Variants in ITGA9 observed in about 807,000 individuals in gnomAD.
The protein encoded by ITGA9 is integrin alpha-9.
Under a neutral mutation model 127.8 loss-of-function variants are expected in ITGA9, and 56 were observed. The ratio of observed to expected loss-of-function variants is 0.44; its 90% CI spans 0.35 to 0.55. The LOEUF (loss-of-function observed/expected upper bound fraction) is 0.55, where lower values mean the gene tolerates loss of function less well. Among genes scored for constraint, ITGA9 ranks in the 20% least tolerant of loss-of-function variants. The pLI is 0.00. For missense variants in ITGA9, 1,196 were observed against 1,347.1 expected, an observed-to-expected ratio of 0.89 and a Z score of 1.76; for synonymous variants, 508 against 514.5, an observed-to-expected ratio of 0.99 and a Z score of 0.17.
At chr3:37,527,910 T>A (rs1054157521) in intron 13 of ITGA9, among the ~76,000 whole-genome samples, 1 of 152,062 alleles carries the variant, frequency 6.6e-6, no homozygotes, top group African/African-American at 2.4e-5. Context: ...CTCAGCCTCC[T>A]GAGCAGCTGG....
chr3:37,688,059 C>T (rs79699083), intron 18 of ITGA9, among the ~76,000 whole-genome samples: 4,856 of 152,300 alleles, frequency 0.032, 101 homozygotes, highest in Non-Finnish European at 0.049. Context: ...TCCTGTCATT[C>T]ATCATGGAGA....
Position 37,550,918 on chromosome 3 carries a change from G to A in ITGA9, c.1689+8333G>A, listed in dbSNP as rs761783935. On this transcript the variant is annotated intron_variant, in intron 15 of 27. Coordinates refer to ENST00000264741, the MANE Select transcript of ITGA9 (RefSeq NM_002207.3). ...ATTCACAAGGTACAGGTGCTTGTTT[G>A]TTCCATGGGTATATCGCATACTGGT... is the stretch of plus-strand genomic sequence containing the variant. Among the ~76,000 whole-genome samples the A allele has an allele frequency of 2.0e-5, 3 of 152,256 alleles. No homozygotes were observed. In the South Asian group the frequency reaches 6.2e-4, roughly 32 times the overall value.
At chr3:37,681,494 G>C (rs1372777968) in intron 17 of ITGA9, among the ~76,000 whole-genome samples, 1 of 152,198 alleles carries the variant, frequency 6.6e-6, no homozygotes, top group Non-Finnish European at 1.5e-5. Context: ...TGATCAAGAA[G>C]AGGGGAAAGA....
In ITGA9 at chr3:37,687,257, G is replaced by A. The variant is rs76464257; in HGVS notation, c.2067+3242G>A. ...ATGTTACAATGAAACCAGGAAATCA[G>A]TGGCAGAATTAAAATATGTTATAGT... On this transcript the variant is annotated intron_variant, in intron 18 of 27. Coordinates refer to ENST00000264741, the MANE Select transcript of ITGA9 (RefSeq NM_002207.3). Among the ~76,000 whole-genome samples, 334 of 152,310 alleles carry A rather than the reference G, an allele frequency of 2.2e-3. 2 individuals are homozygous for A. The highest frequency in any genetic ancestry group is 7.3e-3 in the African/African-American group (303 of 41,574).
chr3:37,508,537 T>A (rs763133513), intron 7 of ITGA9, 22 bp from the exon 8 acceptor site: 2 of 741,390 alleles, frequency 2.7e-6, no homozygotes, highest in Admixed American at 6.3e-5. Context: ...CCTAACTAGA[T>A]TTTTTTTTTT....
chr3:37,743,059 T>C (rs1196384317), intron 21 of ITGA9, among the ~76,000 whole-genome samples: 2 of 152,034 alleles, frequency 1.3e-5, no homozygotes, highest in Non-Finnish European at 2.9e-5. Flanking sequence ...TGTTGGGAGG[T>C]GTTAACAGCC....
At chr3:37,606,970 CTTTT>C (rs11306321) in intron 15 of ITGA9, among the ~76,000 whole-genome samples, 8 of 103,774 alleles carry the variant, frequency 7.7e-5, no homozygotes, top group South Asian at 6.4e-4. Context: ...CTCATGGCTC[CTTTT>C]TTTTTTTTTT....
intron 4 of ITGA9, 109 bp from the exon 5 acceptor site, chr3:37,494,392 C>T (rs1698704824): frequency 1.3e-6 from 1 of 785,760 alleles, no homozygotes; most frequent in African/African-American, 1.7e-5. Context: ...CTGGGCCCAG[C>T]CTGCCGCGGC....
At chr3:37,610,602 A>G (rs1700007240) in intron 15 of ITGA9, among the ~76,000 whole-genome samples, 1 of 152,234 alleles carries the variant, frequency 6.6e-6, no homozygotes, top group Non-Finnish European at 1.5e-5. Context: ...GGAGAAAAAT[A>G]ATACCTATGT....
intron 16 of ITGA9, among the ~76,000 whole-genome samples, chr3:37,651,683 G>A (rs961802291): frequency 6.6e-6 from 1 of 152,176 alleles, no homozygotes; most frequent in Non-Finnish European, 1.5e-5. Context: ...GAGAGCTCAC[G>A]ATGGGCCTGA....
intron 17 of ITGA9, among the ~76,000 whole-genome samples, chr3:37,655,017 T>C (rs139227759): frequency 0.048 from 7,245 of 152,312 alleles, 193 homozygotes; most frequent in African/African-American, 0.07. Flanking sequence ...GCAAAGGACA[T>C]GAACTCATCC....
intron 15 of ITGA9, among the ~76,000 whole-genome samples, chr3:37,569,090 T>C (rs764748177): frequency 6.6e-6 from 1 of 152,158 alleles, no homozygotes; most frequent in African/African-American, 2.4e-5. Flanking sequence ...TGAGACTGGG[T>C]AAATTACACA....
intron 15 of ITGA9, among the ~76,000 whole-genome samples, chr3:37,582,238 T>G (rs1227953826): frequency 6.6e-6 from 1 of 152,218 alleles, no homozygotes; most frequent in Admixed American, 6.5e-5. Context: ...AAAGCATATT[T>G]CAAGAGAAAA....
At chr3:37,671,429 C>T (rs1166960607) in intron 17 of ITGA9, among the ~76,000 whole-genome samples, 1 of 152,214 alleles carries the variant, frequency 6.6e-6, no homozygotes, top group Non-Finnish European at 1.5e-5. Context: ...GATTCTACCA[C>T]TACATGGCTG....
intron 15 of ITGA9, among the ~76,000 whole-genome samples, chr3:37,588,329 A>G (rs1313925993): frequency 2.2e-5 from 1 of 44,936 alleles, no homozygotes; most frequent in African/African-American, 7.3e-5. Flanking sequence ...CCACCCCCCC[A>G]CTTCCCTTTC....
intron 27 of ITGA9, 31 bp from the exon 28 acceptor site, chr3:37,818,860 A>G (rs754030113): frequency 1.0e-5 from 16 of 1,542,828 alleles, no homozygotes; most frequent in Non-Finnish European, 1.3e-5. Context: ...CAGCACTTCT[A>G]ACTCAGCTTC....
chr3:37,668,268 T>A (rs11918076), intron 17 of ITGA9, among the ~76,000 whole-genome samples: 9,137 of 152,250 alleles, frequency 0.06, 817 homozygotes, highest in African/African-American at 0.2. Flanking sequence ...GCTGGCCACG[T>A]GCTCATAGCG....
At position 37,457,055 on chromosome 3, in the gene ITGA9, C is replaced by G. The variant is rs183993835; in HGVS notation, c.185+4496C>G. Among the ~76,000 whole-genome samples the G allele has an allele frequency of 8.2e-3, 1,238 of 151,826 alleles. 25 individuals are homozygous for G. Among genetic ancestry groups the G allele is most frequent in the African/African-American group, 0.029 (1,180 of 41,384 alleles). ...ATGATGTAAGTCTTAAAGGGCTAGA[C>G]AAGGATCAAAAGGAGAGGTAAGAAA... On this transcript the variant is annotated intron_variant, in intron 1 of 27. Transcript: ENST00000264741.
chr3:37,563,415 C>T (rs1699514123), intron 15 of ITGA9, among the ~76,000 whole-genome samples: 1 of 152,204 alleles, frequency 6.6e-6, no homozygotes, highest in African/African-American at 2.4e-5. Context: ...TGAAGCAGTA[C>T]ATTTTTAACC....
Sources: gnomAD v4.1 joint callset for allele counts (sites outside exome capture counted in the v4.1 genomes callset) on GRCh38, gnomAD v4.1.1 for gene constraint, MANE v1.5 for transcripts, NCBI Gene and HGNC (gene_info 2026-07-23, HGNC 2026-07-21) for gene names.